The following TUSC3 variants were observed in gnomAD, a reference collection of about 807,000 sequenced individuals.
TUSC3 encodes the protein dolichyl-diphosphooligosaccharide--protein glycosyltransferase subunit TUSC3.
A neutral mutation model predicts 44.8 loss-of-function variants in TUSC3; 45 were observed. The ratio of observed to expected loss-of-function variants is 1.00; its 90% CI spans 0.79 to 1.29. The LOEUF (loss-of-function observed/expected upper bound fraction) is 1.29. TUSC3 is among the 50% of genes most tolerant of loss of function. The pLI is 0.00. For synonymous variants in TUSC3, 212 were observed against 152.9 expected (o/e 1.39, Z -2.85); for missense variants, 519 against 437.9 (o/e 1.19, Z -1.65).
At chr8:15,814,413 G>A in the TUSC3 span, among the ~76,000 whole-genome samples, 1 of 152,122 alleles carries the variant, frequency 6.6e-6, no homozygotes, top group Non-Finnish European at 1.5e-5. Flanking sequence ...TGAAGGAGAT[G>A]CAGTTTTCAA....
chr8:15,429,888 G>T (rs1286071873), intron 1 of TUSC3, among the ~76,000 whole-genome samples: 1 of 151,584 alleles, frequency 6.6e-6, no homozygotes, highest in Non-Finnish European at 1.5e-5. Flanking sequence ...TAGAAGAAAT[G>T]GATAAATTCC....
intron 6 of TUSC3, among the ~76,000 whole-genome samples, chr8:15,683,510 T>G (rs182190161): frequency 1.3e-3 from 192 of 152,206 alleles, no homozygotes; most frequent in Non-Finnish European, 2.1e-3. Flanking sequence ...TGTTTCTTTC[T>G]TACTATATCT....
At position 15,651,818 on chromosome 8, in the gene TUSC3, C is replaced by T. The variant is rs79210582; in HGVS notation, c.426+1004C>T. Among the ~76,000 whole-genome samples, 795 of 152,252 alleles carry T rather than the reference C, an allele frequency of 5.2e-3. 6 individuals are homozygous for T. The highest frequency in any genetic ancestry group is 0.017 in the African/African-American group (710 of 41,542). On this transcript the variant is annotated intron_variant, in intron 3 of 10. Transcript: ENST00000503731. Reference sequence around the variant, plus strand: ...TCTATAGAGCAAGGTATTAGACTTGCGATTGGAACACTCATTATCATCGAT... The same window carrying T: ...TCTATAGAGCAAGGTATTAGACTTGTGATTGGAACACTCATTATCATCGAT...
At chr8:15,463,819 C>G (rs921163074) in intron 1 of TUSC3, among the ~76,000 whole-genome samples, 2 of 152,206 alleles carry the variant, frequency 1.3e-5, no homozygotes, top group Non-Finnish European at 2.9e-5. Flanking sequence ...AATTTATACT[C>G]ATTTCTGAGT....
intron 1 of TUSC3, among the ~76,000 whole-genome samples, chr8:15,471,378 C>G (rs1446849066): frequency 6.6e-6 from 1 of 152,094 alleles, no homozygotes. Context: ...TGTTATACAT[C>G]TTTTCACTTA....
At chr8:15,530,795 A>T (rs1801439538) in intron 2 of TUSC3, among the ~76,000 whole-genome samples, 2 of 152,196 alleles carry the variant, frequency 1.3e-5, no homozygotes, top group African/African-American at 4.8e-5. Context: ...GTTTTATTTC[A>T]TCCTCACAAG....
chr8:15,654,122 T>G (rs1296943198), intron 3 of TUSC3, among the ~76,000 whole-genome samples: 2 of 152,156 alleles, frequency 1.3e-5, no homozygotes. Flanking sequence ...ATTCTATGAG[T>G]TTTTAAGAAC....
intron 2 of TUSC3, among the ~76,000 whole-genome samples, chr8:15,501,598 A>C (rs901753534): frequency 2.0e-5 from 3 of 152,186 alleles, no homozygotes; most frequent in Non-Finnish European, 4.4e-5. Flanking sequence ...GGAAAGAAGA[A>C]GCTACAATGG....
intron 2 of TUSC3, among the ~76,000 whole-genome samples, chr8:15,513,023 C>T (rs1801163659): frequency 2.1e-5 from 3 of 145,746 alleles, no homozygotes; most frequent in Admixed American, 1.4e-4. Context: ...AGATTGCATG[C>T]TGCACGTTTA....
At chr8:15,467,119 G>C (rs374406972) in intron 1 of TUSC3, among the ~76,000 whole-genome samples, 238 of 152,060 alleles carry the variant, frequency 1.6e-3, no homozygotes, top group African/African-American at 5.6e-3. Flanking sequence ...CAGAAAGGAG[G>C]CATAAATGTT....
At chr8:15,739,652 G>C (rs1811101238) in intron 7 of TUSC3, among the ~76,000 whole-genome samples, 1 of 152,168 alleles carries the variant, frequency 6.6e-6, no homozygotes, top group Non-Finnish European at 1.5e-5. Context: ...AAACTTATTT[G>C]TAAAATCTGG....
At chr8:15,846,183 C>A in the TUSC3 span, among the ~76,000 whole-genome samples, 2 of 152,114 alleles carry the variant, frequency 1.3e-5, no homozygotes, top group Non-Finnish European at 2.9e-5. Context: ...GGGGACACAG[C>A]CAAACCATAT....
chr8:15,443,875 T>C (rs1585791579), intron 1 of TUSC3, among the ~76,000 whole-genome samples: 1 of 151,854 alleles, frequency 6.6e-6, no homozygotes, highest in African/African-American at 2.4e-5. Flanking sequence ...TCACCTGATC[T>C]TGTGGCCCCC....
chr8:15,731,902 A>G (rs952229689), intron 7 of TUSC3, among the ~76,000 whole-genome samples: 6 of 152,172 alleles, frequency 3.9e-5, no homozygotes, highest in East Asian at 3.9e-4. Flanking sequence ...TAGGCACTGC[A>G]TCAAGTGGTG....
intron 10 of TUSC3, among the ~76,000 whole-genome samples, chr8:15,761,324 T>C (rs763220271): frequency 6.6e-6 from 1 of 152,156 alleles, no homozygotes; most frequent in Non-Finnish European, 1.5e-5. Flanking sequence ...GTTTCTTCTT[T>C]GTGTAAACAG....
the TUSC3 span, among the ~76,000 whole-genome samples, chr8:15,820,729 T>C: frequency 3.6e-3 from 549 of 152,346 alleles, 4 homozygotes; most frequent in African/African-American, 0.013. Flanking sequence ...TGAAAAATTT[T>C]CTGTGAGATT....
intron 6 of TUSC3, among the ~76,000 whole-genome samples, chr8:15,689,738 C>G (rs1808812074): frequency 6.6e-6 from 1 of 151,630 alleles, no homozygotes. Context: ...TGTTAGTTTG[C>G]TTAGGATAAT....
At chr8:15,799,647 G>A in the TUSC3 span, among the ~76,000 whole-genome samples, 1 of 152,128 alleles carries the variant, frequency 6.6e-6, no homozygotes, top group Non-Finnish European at 1.5e-5. Context: ...TATTCCCATG[G>A]ACTTTTCTCA....
At chr8:15,831,541 G>C in the TUSC3 span, among the ~76,000 whole-genome samples, 2 of 152,140 alleles carry the variant, frequency 1.3e-5, no homozygotes, top group South Asian at 4.1e-4. Flanking sequence ...AATCTAGAAA[G>C]CAAAGAATTA....
Sources: gnomAD v4.1 joint callset for allele counts (sites outside exome capture counted in the v4.1 genomes callset) on GRCh38, gnomAD v4.1.1 for gene constraint, MANE v1.5 for transcripts, NCBI Gene and HGNC (gene_info 2026-07-23, HGNC 2026-07-21) for gene names.